The following THSD7B variants were observed in gnomAD, a reference collection of about 807,000 sequenced individuals.
The protein encoded by THSD7B is thrombospondin type 1 domain containing 7B, also known as thrombospondin type-1 domain-containing protein 7B.
Under a neutral mutation model 213.6 loss-of-function variants are expected in THSD7B, and 138 were observed. That is an observed-to-expected ratio of 0.65 (90% confidence interval 0.56 to 0.74). The LOEUF is 0.74. Among genes scored for constraint, THSD7B ranks in the 30% least tolerant of loss-of-function variants. The pLI is 0.00. For missense variants in THSD7B, 1,931 were observed against 1,991.5 expected (o/e 0.97, Z 0.58); for synonymous variants, 742 against 687.0 (o/e 1.08, Z -1.25).
At chr2:136,868,941 A>G (rs1375337083) in intron 1 of THSD7B, among the ~76,000 whole-genome samples, 1 of 152,176 alleles carries the variant, frequency 6.6e-6, no homozygotes, top group Non-Finnish European at 1.5e-5. Context: ...TTTTTCTAGA[A>G]GGTAAGGTTT....
chr2:137,192,049 G>A (rs1442266393), intron 7 of THSD7B, among the ~76,000 whole-genome samples: 1 of 152,092 alleles, frequency 6.6e-6, no homozygotes, highest in African/African-American at 2.4e-5. Context: ...TGTTGGAAGA[G>A]GAATTGCTGG....
chr2:136,942,619 A>G (rs1321074223), intron 2 of THSD7B, among the ~76,000 whole-genome samples: 3 of 152,100 alleles, frequency 2.0e-5, no homozygotes, highest in Non-Finnish European at 4.4e-5. Flanking sequence ...GCAATTGTGA[A>G]TGGGAGTTGA....
intron 2 of THSD7B, among the ~76,000 whole-genome samples, chr2:136,938,473 A>G (rs1388122052): frequency 6.6e-6 from 1 of 151,860 alleles, no homozygotes; most frequent in Non-Finnish European, 1.5e-5. Flanking sequence ...TCTGTTTCCC[A>G]TTTCTCCCCA....
Position 136,976,351 on chromosome 2 carries a change from T to G in THSD7B, c.140-80069T>G, listed in dbSNP as rs574356681. Among the ~76,000 whole-genome samples, 3 of 152,320 alleles carry G rather than the reference T, an allele frequency of 2.0e-5. No homozygotes were observed. In the South Asian group the frequency reaches 6.2e-4, roughly 32 times the overall value. On this transcript the variant is annotated intron_variant, in intron 2 of 27. Coordinates refer to ENST00000409968, the MANE Select transcript of THSD7B (RefSeq NM_001316349.2). ...ATTTAGAGGTACTTTTCTTCAATAC[T>G]TCGTTTATTAAACGTTTTTAACATG...
intron 1 of THSD7B, among the ~76,000 whole-genome samples, chr2:136,833,817 C>A (rs1365090181): frequency 6.6e-6 from 1 of 152,044 alleles, no homozygotes; most frequent in Non-Finnish European, 1.5e-5. Flanking sequence ...AGGTTTGATC[C>A]AATGAGGGAA....
chr2:137,610,234 T>C (rs768881879), intron 17 of THSD7B, among the ~76,000 whole-genome samples: 1 of 152,120 alleles, frequency 6.6e-6, no homozygotes, highest in African/African-American at 2.4e-5. Context: ...CCCTAGGGTT[T>C]TTGATTTAGT....
At chr2:137,666,941 G>T (rs1171621155) in intron 26 of THSD7B, among the ~76,000 whole-genome samples, 1 of 151,966 alleles carries the variant, frequency 6.6e-6, no homozygotes, top group East Asian at 1.9e-4. Context: ...GCAGACACAT[G>T]GTCATAATTT....
chr2:136,838,513 C>T (rs1682875567), intron 1 of THSD7B, among the ~76,000 whole-genome samples: 1 of 152,224 alleles, frequency 6.6e-6, no homozygotes, highest in Admixed American at 6.5e-5. Context: ...CTTGGGGGAA[C>T]ATAACCTTTC....
intron 2 of THSD7B, among the ~76,000 whole-genome samples, chr2:136,998,909 G>GAC (rs57138045): frequency 0.036 from 4,652 of 129,802 alleles, 89 homozygotes; most frequent in Middle Eastern, 0.09. Context: ...ATACCCAACA[G>GAC]ACACACACAC....
chr2:136,982,356 G>A (rs1044423365), intron 2 of THSD7B, among the ~76,000 whole-genome samples: 6 of 151,492 alleles, frequency 4.0e-5, no homozygotes, highest in African/African-American at 1.2e-4. Context: ...ATAGCGACAG[G>A]GTCTCCTTAT....
Position 136,991,005 on chromosome 2 carries a change from A to G in THSD7B, c.140-65415A>G, listed in dbSNP as rs58650284. On this transcript the variant is annotated intron_variant, in intron 2 of 27. Transcript: ENST00000409968. ...CACATCGTCTCTGCTGGCACAGGTG[A>G]ATACCTGTCCTCCCCAAAAAAGGAG... The G allele has an allele frequency of 2.9e-3, 3,353 of 1,170,008 alleles. 89 individuals carry two copies. In the African/African-American group the frequency reaches 0.048, roughly 17 times the overall value. 72.5% of individuals were successfully genotyped at this position (1,170,008 alleles called of 1,614,324 possible).
At chr2:137,269,011 AT>A (rs1223284217) in intron 10 of THSD7B, among the ~76,000 whole-genome samples, 1 of 152,184 alleles carries the variant, frequency 6.6e-6, no homozygotes, top group Non-Finnish European at 1.5e-5. Flanking sequence ...AAATATGTCC[AT>A]TGCAAAGTTC....
chr2:136,843,210 T>C (rs1220055455), intron 1 of THSD7B, among the ~76,000 whole-genome samples: 1 of 152,094 alleles, frequency 6.6e-6, no homozygotes, highest in Non-Finnish European at 1.5e-5. Flanking sequence ...TAATCATTCA[T>C]TGGAAGTAAG....
At chr2:137,175,484 T>G (rs1387478286) in intron 7 of THSD7B, among the ~76,000 whole-genome samples, 1 of 152,212 alleles carries the variant, frequency 6.6e-6, no homozygotes, top group East Asian at 1.9e-4. Flanking sequence ...TTTTCACAGT[T>G]GCACTATGCA....
At chr2:136,843,440 A>G (rs1682949837) in intron 1 of THSD7B, among the ~76,000 whole-genome samples, 1 of 152,194 alleles carries the variant, frequency 6.6e-6, no homozygotes, top group African/African-American at 2.4e-5. Context: ...CCATCACCAC[A>G]TGCATAGGGA....
chr2:136,970,139 TA>T, intron 2 of THSD7B, among the ~76,000 whole-genome samples: 1 of 152,044 alleles, frequency 6.6e-6, no homozygotes, highest in Non-Finnish European at 1.5e-5. Context: ...ATAGAAGAAA[TA>T]AAAAATATTG....
chr2:137,435,575 T>C (rs1264302734), intron 14 of THSD7B, among the ~76,000 whole-genome samples: 1 of 152,200 alleles, frequency 6.6e-6, no homozygotes, highest in Admixed American at 6.5e-5. Context: ...CATAGTTTTT[T>C]CTGTCCTTAT....
At chr2:137,169,786 G>C (rs886616242) in intron 6 of THSD7B, among the ~76,000 whole-genome samples, 2 of 152,006 alleles carry the variant, frequency 1.3e-5, no homozygotes, top group East Asian at 1.9e-4. Flanking sequence ...TACACTAAAG[G>C]GTTCAATCTG....
At chr2:137,366,749 G>A (rs920350953) in intron 12 of THSD7B, among the ~76,000 whole-genome samples, 4 of 151,924 alleles carry the variant, frequency 2.6e-5, no homozygotes, top group African/African-American at 9.7e-5. Flanking sequence ...TATTTTGAGA[G>A]GACTTATGTA....
Sources: allele counts gnomAD v4.1 joint callset (sites outside exome capture counted in the v4.1 genomes callset), GRCh38; gene constraint gnomAD v4.1.1; transcripts MANE v1.5; gene names NCBI Gene and HGNC (gene_info 2026-07-23, HGNC 2026-07-21).